Variants in C1orf87 observed in about 807,000 individuals in gnomAD.
The protein encoded by C1orf87 is chromosome 1 open reading frame 87.
Under a neutral mutation model 60.5 loss-of-function variants are expected in C1orf87, and 58 were observed. That is an observed-to-expected ratio of 0.96 (90% CI 0.78 to 1.19). C1orf87 has a LOEUF of 1.19. Among genes scored for constraint, C1orf87 ranks in the 50% most tolerant of loss-of-function variants. The pLI, the probability that C1orf87 is intolerant of heterozygous loss-of-function variation, is 0.00. For missense variants in C1orf87, 673 were observed against 638.6 expected (o/e 1.05, Z -0.58); for synonymous variants, 236 against 227.4 (o/e 1.04, Z -0.34).
At chr1:60,055,079 A>G (rs1645442983) in intron 3 of C1orf87, 125 bp downstream of exon 3, 1 of 887,220 alleles carries the variant, frequency 1.1e-6, no homozygotes, top group African/African-American at 1.7e-5. Flanking sequence ...ATTGATTCTT[A>G]CTTCTATCTC....
At chr1:60,025,190 T>A (rs539983169) in intron 8 of C1orf87, among the ~76,000 whole-genome samples, 1 of 152,328 alleles carries the variant, frequency 6.6e-6, no homozygotes, top group African/African-American at 2.4e-5. Context: ...TATCTTCACA[T>A]GGCAGAGACA....
rs1343587658 is a variant in C1orf87, at chr1:60,064,858, AT to A, written c.107+7678del. 7.6e-5 allele frequency among the ~76,000 whole-genome samples: 7 copies of A among 91,880 alleles called. No individual in the cohort carries two copies. The East Asian group carries it at 8.2e-4, about 11-fold the overall frequency. 60.3% of individuals were successfully genotyped at this position (91,880 alleles called of 152,430 possible). On this transcript the variant is annotated intron_variant, in intron 2 of 11. Coordinates refer to ENST00000371201, the MANE Select transcript of C1orf87 (RefSeq NM_152377.3). The stretch of plus-strand genomic sequence containing the variant: ...TATATAATTATATATTTATATATTT[AT>A]TATATATAAATATATATTTGTTCTA...
chr1:60,021,771 C>T (rs777053045), intron 8 of C1orf87, among the ~76,000 whole-genome samples: 2 of 152,100 alleles, frequency 1.3e-5, no homozygotes, highest in African/African-American at 2.4e-5. Context: ...TTACCTAATT[C>T]ATTAGAGGTT....
In C1orf87 at chr1:60,055,314, C is replaced by T; in HGVS notation, c.232G>A (p.Asp78Asn). ...TTCTCTTTCACATCATCTGGATTAT[C>T]AGTGGTTTGCTGATCAGTGAAGTTA... ...PINFTDQQTT[D>N]NPDDVKEKKH... The change falls in exon 3 of 12, where the codon GAT becomes AAT. Residue 78 changes from aspartate (D) to asparagine (N), a missense_variant. Asp to Asn is a conservative substitution (Grantham distance 23, BLOSUM62 1). Coordinates refer to ENST00000371201, the MANE Select transcript of C1orf87 (RefSeq NM_152377.3). The T allele has an allele frequency of 6.2e-7, 1 of 1,614,066 alleles. No homozygotes were observed. The highest frequency in any genetic ancestry group is 8.5e-7 in the Non-Finnish European group (1 of 1,179,984).
intron 2 of C1orf87, among the ~76,000 whole-genome samples, chr1:60,065,933 T>G (rs1383214353): frequency 6.6e-6 from 1 of 152,026 alleles, no homozygotes; most frequent in Non-Finnish European, 1.5e-5. Flanking sequence ...ATTCACATAT[T>G]TTTTTTGGTT....
Position 59,997,829 on chromosome 1 carries a change from C to G in C1orf87, c.1273-13G>C. The G allele has an allele frequency of 6.2e-7, 1 of 1,611,374 alleles. No homozygotes were observed. Among genetic ancestry groups the G allele is most frequent in the Non-Finnish European group, 8.5e-7 (1 of 1,179,002 alleles). ...CTTCTGGAGTTTTCTACCAAAACAA[C>G]AAAAGCATTGGCAACACATTCACCA... On this transcript the variant is annotated splice_polypyrimidine_tract_variant and intron_variant, in intron 10 of 11. Coordinates refer to ENST00000371201, the MANE Select transcript of C1orf87 (RefSeq NM_152377.3).
chr1:60,072,817 A>G (rs1022252077), intron 1 of C1orf87, 147 bp from the exon 2 acceptor site: 2 of 555,190 alleles, frequency 3.6e-6, no homozygotes, highest in Non-Finnish European at 6.3e-6. Flanking sequence ...AAGGCATGAG[A>G]AAGATATTTT....
intron 8 of C1orf87, among the ~76,000 whole-genome samples, chr1:60,023,414 T>C (rs1270125763): frequency 6.6e-6 from 1 of 152,202 alleles, no homozygotes; most frequent in Non-Finnish European, 1.5e-5. Flanking sequence ...TTTTACATAG[T>C]GTCCGTATCT....
chr1:60,033,706 C>T, intron 6 of C1orf87, 65 bp from the exon 7 acceptor site: 1 of 1,527,790 alleles, frequency 6.5e-7, no homozygotes, highest in Non-Finnish European at 8.9e-7. Context: ...TGCATGCTTT[C>T]CTACTACATT....
At chr1:60,060,781 A>C (rs1434969356) in intron 2 of C1orf87, among the ~76,000 whole-genome samples, 1 of 152,094 alleles carries the variant, frequency 6.6e-6, no homozygotes, top group African/African-American at 2.4e-5. Flanking sequence ...AAACAACCCA[A>C]ACATTGTTGC....
At chr1:60,040,868 C>G in intron 4 of C1orf87, 123 bp downstream of exon 4, 1 of 1,024,058 alleles carries the variant, frequency 9.8e-7, no homozygotes, top group Non-Finnish European at 1.3e-6. Context: ...GCTGGCATTA[C>G]AGGTGTAAGC....
At chr1:60,003,319 T>G (rs182252868) in intron 9 of C1orf87, among the ~76,000 whole-genome samples, 1 of 102,516 alleles carries the variant, frequency 9.8e-6, no homozygotes, top group Admixed American at 1.4e-4. Flanking sequence ...TGGGGACTTT[T>G]GTGGGGTGGG....
At chr1:60,063,273 C>T (rs1318475619) in intron 2 of C1orf87, among the ~76,000 whole-genome samples, 1 of 152,032 alleles carries the variant, frequency 6.6e-6, no homozygotes, top group Admixed American at 6.6e-5. Context: ...AAATGGGATA[C>T]TTGAATTTTT....
chr1:60,055,062 G>GA, intron 3 of C1orf87, 142 bp downstream of exon 3: 3 of 796,288 alleles, frequency 3.8e-6, no homozygotes, highest in South Asian at 1.8e-5. Context: ...TTTTCAGATT[G>GA]AAAAAAATTG....
At chr1:60,003,420 A>G (rs1574295263) in intron 9 of C1orf87, among the ~76,000 whole-genome samples, 1 of 152,090 alleles carries the variant, frequency 6.6e-6, no homozygotes, top group East Asian at 1.9e-4. Flanking sequence ...ATGTATACAT[A>G]TGTAACTAAC....
chr1:60,038,123 A>G lies in C1orf87; in HGVS notation c.748-16T>C, dbSNP rs762157579. On this transcript the variant is annotated splice_polypyrimidine_tract_variant and intron_variant, in intron 5 of 11. Transcript: ENST00000371201. ...CATAATTCACCTGAAAATTAAATGT[A>G]AAATAGAACATCCTCATTTAATTTA... 4 of 1,434,314 alleles carry G rather than the reference A, an allele frequency of 2.8e-6. No individual in the cohort carries two copies. The South Asian group carries it at 5.4e-5, about 19-fold the overall frequency. The allele number at this position is 1,434,314 out of a possible 1,614,324, so 88.8% of individuals were successfully genotyped here.
chr1:60,047,563 G>A (rs74659843), intron 3 of C1orf87, among the ~76,000 whole-genome samples: 1 of 151,970 alleles, frequency 6.6e-6, no homozygotes, highest in Non-Finnish European at 1.5e-5. Flanking sequence ...TCATTGCTTC[G>A]GGCCTAGTCA....
At chr1:60,020,245 G>A (rs1645153879) in intron 8 of C1orf87, among the ~76,000 whole-genome samples, 1 of 152,194 alleles carries the variant, frequency 6.6e-6, no homozygotes, top group Non-Finnish European at 1.5e-5. Context: ...TCCAGCTCCA[G>A]CTGTGGCTAA....
At chr1:60,002,583 G>A (rs893423334) in intron 9 of C1orf87, among the ~76,000 whole-genome samples, 1 of 152,078 alleles carries the variant, frequency 6.6e-6, no homozygotes, top group East Asian at 1.9e-4. Context: ...TTTGTAGGTT[G>A]CCTGTTCACT....
Sources: allele counts gnomAD v4.1 joint callset (sites outside exome capture counted in the v4.1 genomes callset), GRCh38; gene constraint gnomAD v4.1.1; transcripts MANE v1.5; gene names NCBI Gene and HGNC (gene_info 2026-07-23, HGNC 2026-07-21).